ARB2A: variants seen among roughly 807,000 people sequenced by gnomAD.
ARB2A encodes ARB2 cotranscriptional regulator A.
chr5:93,761,998 G>A, the ARB2A span, among the ~76,000 whole-genome samples: 1 of 151,794 alleles, frequency 6.6e-6, no homozygotes, highest in East Asian at 1.9e-4. Flanking sequence ...GGTCCTTACT[G>A]TTAGAAGGAA....
At chr5:93,716,114 G>A in the ARB2A span, among the ~76,000 whole-genome samples, 1 of 152,148 alleles carries the variant, frequency 6.6e-6, no homozygotes, top group Admixed American at 6.5e-5. Flanking sequence ...ATGTATTTAC[G>A]AAGGAGGTTT....
At chr5:93,716,727 C>CG in the ARB2A span, among the ~76,000 whole-genome samples, 1 of 146,884 alleles carries the variant, frequency 6.8e-6, no homozygotes, top group Non-Finnish European at 1.5e-5. Context: ...AATCAATATG[C>CG]CAAGTTTAAC....
the ARB2A span, among the ~76,000 whole-genome samples, chr5:93,852,903 T>A: frequency 1.3e-5 from 2 of 152,206 alleles, no homozygotes; most frequent in Non-Finnish European, 2.9e-5. Flanking sequence ...CCTCCCTCTT[T>A]GTTCTTTTGG....
At chr5:93,922,676 GAGGGAGGGAGGGAGGGAGGA>G in the ARB2A span, among the ~76,000 whole-genome samples, 3 of 97,662 alleles carry the variant, frequency 3.1e-5, 1 homozygote, top group East Asian at 7.3e-4. Context: ...GGGAGGGAGG[GAGGGAGGGAGGGAGGGAGGA>G]AGGAAAGAAA....
the ARB2A span, among the ~76,000 whole-genome samples, chr5:93,731,307 T>C: frequency 6.6e-6 from 1 of 151,890 alleles, no homozygotes; most frequent in Non-Finnish European, 1.5e-5. Flanking sequence ...AAAGAGGAAA[T>C]AGGGACACAT....
chr5:93,805,935 G>T, the ARB2A span: 1 of 984,800 alleles, frequency 1.0e-6, no homozygotes. Flanking sequence ...GAAATATATA[G>T]ACTCTTCTGA....
the ARB2A span, among the ~76,000 whole-genome samples, chr5:94,095,519 T>C: frequency 6.6e-6 from 1 of 151,952 alleles, no homozygotes; most frequent in African/African-American, 2.4e-5. Flanking sequence ...AATCAAATTT[T>C]TTCCTCTACT....
chr5:94,053,943 A>C, the ARB2A span, among the ~76,000 whole-genome samples: 1 of 151,448 alleles, frequency 6.6e-6, no homozygotes, highest in African/African-American at 2.4e-5. Context: ...TATATTTTGT[A>C]TTTTTCACAG....
the ARB2A span, among the ~76,000 whole-genome samples, chr5:94,027,563 T>C: frequency 2.6e-5 from 4 of 152,164 alleles, no homozygotes; most frequent in African/African-American, 4.8e-5. Context: ...GGAGAGCTTC[T>C]GAATAGTTAA....
chr5:94,037,498 T>G, the ARB2A span, among the ~76,000 whole-genome samples: 2 of 152,122 alleles, frequency 1.3e-5, no homozygotes, highest in African/African-American at 4.8e-5. Context: ...ATCAACACAT[T>G]TTCTTTCAAT....
At chr5:93,688,749 T>G in the ARB2A span, among the ~76,000 whole-genome samples, 1 of 152,156 alleles carries the variant, frequency 6.6e-6, no homozygotes, top group East Asian at 1.9e-4. Flanking sequence ...ATGAGAGGCA[T>G]CCACACAATT....
chr5:93,857,596 G>A, the ARB2A span, among the ~76,000 whole-genome samples: 5 of 152,154 alleles, frequency 3.3e-5, no homozygotes, highest in Admixed American at 6.5e-5. Context: ...AGCCATGTGC[G>A]GGATATAATC....
At chr5:94,108,545 TA>T in the ARB2A span, among the ~76,000 whole-genome samples, 1 of 152,100 alleles carries the variant, frequency 6.6e-6, no homozygotes, top group Non-Finnish European at 1.5e-5. Context: ...AAATTTTTAT[TA>T]AATCATATCT....
chr5:93,886,490 C>T, the ARB2A span, among the ~76,000 whole-genome samples: 1 of 151,640 alleles, frequency 6.6e-6, no homozygotes, highest in Non-Finnish European at 1.5e-5. Flanking sequence ...TATCTATAAA[C>T]GACATTTACC....
At chr5:93,989,030 T>G in the ARB2A span, among the ~76,000 whole-genome samples, 4 of 152,068 alleles carry the variant, frequency 2.6e-5, no homozygotes, top group Non-Finnish European at 5.9e-5. Flanking sequence ...AACTGGAAAT[T>G]AAAGGGCTAT....
At chr5:93,868,585 T>G in the ARB2A span, among the ~76,000 whole-genome samples, 2 of 152,198 alleles carry the variant, frequency 1.3e-5, no homozygotes, top group African/African-American at 2.4e-5. Context: ...ATAAAAAAGA[T>G]TCCCTATAGT....
the ARB2A span, among the ~76,000 whole-genome samples, chr5:93,653,379 G>C: frequency 6.6e-5 from 10 of 150,918 alleles, no homozygotes; most frequent in African/African-American, 2.4e-4. Flanking sequence ...GGGCGTGGTA[G>C]CGGGCGCCTG....
chr5:93,700,348 C>G, the ARB2A span, among the ~76,000 whole-genome samples: 1 of 151,998 alleles, frequency 6.6e-6, no homozygotes, highest in Middle Eastern at 3.2e-3. Context: ...AATATCCTAA[C>G]AGCTTAACTG....
At chr5:93,677,814 C>A in the ARB2A span, among the ~76,000 whole-genome samples, 1 of 152,196 alleles carries the variant, frequency 6.6e-6, no homozygotes, top group Admixed American at 6.5e-5. Context: ...CAAAGAAAAA[C>A]TGAGCTGTCC....
Sources: gnomAD v4.1 joint callset for allele counts (sites outside exome capture counted in the v4.1 genomes callset) on GRCh38, gnomAD v4.1.1 for gene constraint, MANE v1.5 for transcripts, NCBI Gene and HGNC (gene_info 2026-07-23, HGNC 2026-07-21) for gene names.